ZBTB20: variants seen among roughly 807,000 people sequenced by gnomAD.
ZBTB20 encodes zinc finger and BTB domain containing 20.
A neutral mutation model predicts 56.9 loss-of-function variants in ZBTB20; 9 were observed. That is an observed-to-expected ratio of 0.16 (90% CI 0.10 to 0.28). The LOEUF is 0.28. Among genes scored for constraint, ZBTB20 ranks in the 10% least tolerant of loss-of-function variants. ZBTB20 has a pLI of 1.00. For synonymous variants in ZBTB20, 417 were observed against 420.7 expected (o/e 0.99, Z 0.11); for missense variants, 655 against 1,003.0 (o/e 0.65, Z 4.69).
intron 7 of ZBTB20, among the ~76,000 whole-genome samples, chr3:114,475,834 T>C (rs547459588): frequency 5.9e-5 from 9 of 152,214 alleles, no homozygotes; most frequent in Admixed American, 1.3e-4. Context: ...ATTTGAATTG[T>C]AGTTCAAGAT....
At chr3:114,769,439 A>G (rs1380007959) in intron 5 of ZBTB20, among the ~76,000 whole-genome samples, 1 of 150,848 alleles carries the variant, frequency 6.6e-6, no homozygotes, top group Non-Finnish European at 1.5e-5. Flanking sequence ...ATATGCATAT[A>G]TCTGATGCAT....
chr3:114,782,779 A>G (rs1311393690), intron 5 of ZBTB20, among the ~76,000 whole-genome samples: 1 of 152,192 alleles, frequency 6.6e-6, no homozygotes, highest in African/African-American at 2.4e-5. Flanking sequence ...TGCAAATACT[A>G]AATCTAAATC....
chr3:114,506,381 T>A (rs1409912393), intron 6 of ZBTB20, among the ~76,000 whole-genome samples: 1 of 152,060 alleles, frequency 6.6e-6, no homozygotes, highest in Non-Finnish European at 1.5e-5. Context: ...TAACACTCCA[T>A]CCCACCCCAT....
At chr3:114,499,432 G>C (rs2043677726) in intron 7 of ZBTB20, among the ~76,000 whole-genome samples, 1 of 152,144 alleles carries the variant, frequency 6.6e-6, no homozygotes. Context: ...TATAATACAA[G>C]AAATACCTTG....
intron 6 of ZBTB20, among the ~76,000 whole-genome samples, chr3:114,556,232 T>G (rs906010985): frequency 6.6e-6 from 1 of 152,104 alleles, no homozygotes; most frequent in African/African-American, 2.4e-5. Context: ...AACTCATGAT[T>G]TTCAGGTCCC....
chr3:114,779,607 C>T (rs1197616162), intron 5 of ZBTB20, among the ~76,000 whole-genome samples: 1 of 151,978 alleles, frequency 6.6e-6, no homozygotes, highest in Non-Finnish European at 1.5e-5. Context: ...CTACCTTAAC[C>T]CTTTTAGCAC....
intron 2 of ZBTB20, among the ~76,000 whole-genome samples, chr3:115,018,265 T>C (rs1180586635): frequency 6.6e-6 from 1 of 150,980 alleles, no homozygotes; most frequent in East Asian, 1.9e-4. Flanking sequence ...CATAGTATCA[T>C]TGCTATCCTT....
At chr3:114,599,953 G>A (rs549581638) in intron 6 of ZBTB20, among the ~76,000 whole-genome samples, 37 of 151,912 alleles carry the variant, frequency 2.4e-4, no homozygotes, top group Non-Finnish European at 3.5e-4. Context: ...GAAAGAGAGC[G>A]AGCGAGCACA....
intron 2 of ZBTB20, among the ~76,000 whole-genome samples, chr3:114,983,142 G>A (rs2078397026): frequency 6.6e-6 from 1 of 151,816 alleles, no homozygotes. Context: ...CTCACCCAAT[G>A]AAATAAGATT....
intron 6 of ZBTB20, among the ~76,000 whole-genome samples, chr3:114,681,510 G>A (rs529121930): frequency 6.6e-6 from 1 of 152,182 alleles, no homozygotes; most frequent in Non-Finnish European, 1.5e-5. Context: ...AAGGCTGGGA[G>A]CCAGGATTAA....
At chr3:114,833,410 C>G (rs959453608) in intron 4 of ZBTB20, among the ~76,000 whole-genome samples, 7 of 152,022 alleles carry the variant, frequency 4.6e-5, no homozygotes, top group Non-Finnish European at 7.4e-5. Flanking sequence ...AATACAAATG[C>G]CTTTGAAGAA....
chr3:114,516,805 G>A (rs2046049110), intron 6 of ZBTB20, among the ~76,000 whole-genome samples: 2 of 152,168 alleles, frequency 1.3e-5, no homozygotes, highest in Admixed American at 6.5e-5. Context: ...AGATTGCCAG[G>A]AAACCACCAG....
intron 7 of ZBTB20, among the ~76,000 whole-genome samples, chr3:114,429,144 C>A (rs1234200140): frequency 1.3e-5 from 2 of 152,082 alleles, no homozygotes; most frequent in Non-Finnish European, 2.9e-5. Flanking sequence ...GTTCAGTGAA[C>A]AAACAGTTAC....
chr3:114,888,500 T>G (rs931711477), intron 4 of ZBTB20, among the ~76,000 whole-genome samples: 1 of 152,190 alleles, frequency 6.6e-6, no homozygotes, highest in African/African-American at 2.4e-5. Context: ...TACTGGAAAT[T>G]ACTTAATTGG....
At chr3:114,959,386 C>G (rs1365843570) in intron 3 of ZBTB20, among the ~76,000 whole-genome samples, 1 of 151,966 alleles carries the variant, frequency 6.6e-6, no homozygotes, top group African/African-American at 2.4e-5. Flanking sequence ...TGAGAGAAGG[C>G]AGATCACATA....
intron 6 of ZBTB20, among the ~76,000 whole-genome samples, chr3:114,676,771 A>ATTTTTTTTTTTTTTTTTTTTTTTTTTTT (rs397873968): frequency 8.1e-6 from 1 of 123,322 alleles, no homozygotes; most frequent in Non-Finnish European, 1.7e-5. Context: ...GAACTAGGGG[A>ATTTTTTTTTTTTTTTTTTTTTTTTTTTT]TTTTTTTTTT....
intron 7 of ZBTB20, among the ~76,000 whole-genome samples, chr3:114,495,126 C>T (rs184002041): frequency 9.8e-4 from 149 of 152,332 alleles, no homozygotes; most frequent in Admixed American, 4.7e-3. Flanking sequence ...TGTGCATACA[C>T]AACGCTCAAC....
chr3:114,764,307 G>A (rs1321096870), intron 5 of ZBTB20, among the ~76,000 whole-genome samples: 1 of 150,026 alleles, frequency 6.7e-6, no homozygotes, highest in Non-Finnish European at 1.5e-5. Context: ...AAAGGGAGGG[G>A]CAAAACAAAC....
At chr3:114,835,802 T>C (rs968813242) in intron 4 of ZBTB20, among the ~76,000 whole-genome samples, 1 of 152,198 alleles carries the variant, frequency 6.6e-6, no homozygotes, top group Non-Finnish European at 1.5e-5. Flanking sequence ...GACATTTTTT[T>C]TCTTTTTTTG....
Sources: allele counts gnomAD v4.1 joint callset (sites outside exome capture counted in the v4.1 genomes callset), GRCh38; gene constraint gnomAD v4.1.1; transcripts MANE v1.5; gene names NCBI Gene and HGNC (gene_info 2026-07-23, HGNC 2026-07-21).